The following ZBTB10 variants were observed in gnomAD, a reference collection of about 807,000 sequenced individuals.
ZBTB10 encodes the protein zinc finger and BTB domain containing 10.
Under a neutral mutation model 76.4 loss-of-function variants are expected in ZBTB10, and 32 were observed. That is an observed-to-expected ratio of 0.42 (90% CI 0.32 to 0.56). The LOEUF (loss-of-function observed/expected upper bound fraction) is 0.56, where lower values mean the gene tolerates loss of function less well. ZBTB10 is among the 20% of genes least tolerant of loss of function. The pLI, the probability that ZBTB10 is intolerant of heterozygous loss-of-function variation, is 0.14. For missense variants in ZBTB10, 1,057 were observed against 1,098.5 expected, an observed-to-expected ratio of 0.96 and a Z score of 0.53; for synonymous variants, 523 against 432.9, an observed-to-expected ratio of 1.21 and a Z score of -2.58.
At chr8:80,512,635 C>T (rs1347804619) in intron 2 of ZBTB10, among the ~76,000 whole-genome samples, 1 of 152,092 alleles carries the variant, frequency 6.6e-6, no homozygotes, top group Non-Finnish European at 1.5e-5. Flanking sequence ...TCGGTTGAAC[C>T]TGGGAGGCAG....
rs969262751 is a variant in ZBTB10, at chr8:80,487,443, C to T, written c.633C>T (p.Gly211=). ...GGSCSSSRRS[G]GDGGDEVEGS... ...GCTGCAGCAGCAGCAGGCGGTCGGG[C>T]GGCGATGGCGGGGACGAAGTGGAGG... Residue 211 remains glycine, a synonymous_variant, in exon 1 of 6, where the codon GGC becomes GGT. Coordinates refer to ENST00000455036, the MANE Select transcript of ZBTB10 (RefSeq NM_001105539.3). 3.9e-6 allele frequency: 6 copies of T among 1,545,436 alleles called. No individual in the cohort carries two copies. The Admixed American group carries it at 1.2e-4, about 30-fold the overall frequency.
Position 80,486,542 on chromosome 8 carries a change from G to A in ZBTB10, c.-269G>A, listed in dbSNP as rs942073855. The A allele has an allele frequency of 4.9e-4, 488 of 985,932 alleles. No homozygotes were observed. Among genetic ancestry groups the A allele is most frequent in the Non-Finnish European group, 5.7e-4 (470 of 830,468 alleles). The allele number at this position is 985,932 out of a possible 1,614,324, so 61.1% of individuals were successfully genotyped here. ...GCCCGCCCCCTTCTCCGCGCGGGAC[G>A]CTGCCCGGAGCGCGGCGGGGCGGGG... On this transcript the variant is annotated 5_prime_UTR_variant, in exon 1 of 6. Transcript: ENST00000455036.
chr8:80,524,801 C>G lies in ZBTB10; in HGVS notation c.*5273C>G, dbSNP rs1307855604. On this transcript the variant is annotated 3_prime_UTR_variant, in exon 6 of 6. Transcript: ENST00000455036. ...AGATTGAAAATCGGTTTTTAATTAT[C>G]CAAAGATGAAATGGGGCTGCTTCAG... 1 of 151,954 alleles carries G rather than the reference C, an allele frequency of 6.6e-6. No homozygotes were observed. The highest frequency in any genetic ancestry group is 2.4e-5 in the African/African-American group (1 of 41,390). The allele number at this position is 151,954 out of a possible 1,614,324, so 9.4% of individuals were successfully genotyped here.
At chr8:80,493,389 A>C (rs1242765773) in intron 1 of ZBTB10, among the ~76,000 whole-genome samples, 1 of 152,226 alleles carries the variant, frequency 6.6e-6, no homozygotes, top group Non-Finnish European at 1.5e-5. Context: ...TTGTCTTAAC[A>C]AATGGGCAAC....
intron 2 of ZBTB10, among the ~76,000 whole-genome samples, chr8:80,503,115 A>G (rs2131495782): frequency 6.6e-6 from 1 of 152,318 alleles, no homozygotes; most frequent in East Asian, 1.9e-4. Flanking sequence ...AAAATTTAAA[A>G]ATAAGCTGTG....
intron 1 of ZBTB10, among the ~76,000 whole-genome samples, chr8:80,496,525 T>C (rs1179340059): frequency 2.0e-5 from 3 of 151,892 alleles, no homozygotes; most frequent in East Asian, 1.9e-4. Context: ...GAAAAAAAAA[T>C]AGTGGTTGAA....
chr8:80,486,451 C>G lies in ZBTB10; in HGVS notation c.-360C>G, dbSNP rs985919815. ...TTAAAGAGGGGGCAGCGGAGGGTCT[C>G]CCCGCACTCCGCTGCTCAACTTCGA... On this transcript the variant is annotated 5_prime_UTR_variant, in exon 1 of 6. Coordinates refer to ENST00000455036, the MANE Select transcript of ZBTB10 (RefSeq NM_001105539.3). 2 of 984,854 alleles carry G rather than the reference C, an allele frequency of 2.0e-6. No individual in the cohort carries two copies. Among genetic ancestry groups the G allele is most frequent in the South Asian group, 4.7e-5 (1 of 21,294 alleles). 61.0% of individuals were successfully genotyped at this position (984,854 alleles called of 1,614,324 possible).
chr8:80,510,071 T>C (rs951480623), intron 2 of ZBTB10, among the ~76,000 whole-genome samples: 4 of 152,202 alleles, frequency 2.6e-5, no homozygotes, highest in Non-Finnish European at 4.4e-5. Context: ...AAAGTATTAC[T>C]GTAAAGAGCA....
Position 80,520,871 on chromosome 8 carries a change from G to A in ZBTB10, c.*1343G>A, listed in dbSNP as rs1816434728. The A allele has an allele frequency of 6.6e-6, 1 of 151,844 alleles. No individual in the cohort carries two copies. The highest frequency in any genetic ancestry group is 2.4e-5 in the African/African-American group (1 of 41,384). The allele number at this position is 151,844 out of a possible 1,614,324, so 9.4% of individuals were successfully genotyped here. A position where few individuals can be genotyped will look rare whatever the true frequency, so the allele number is the denominator to read the frequency against. ...TGGTGACATGAATTAGCTGATTGTG[G>A]AACTCTCAGCAGCATTTCACGTATT... is the stretch of plus-strand genomic sequence containing the variant. On this transcript the variant is annotated 3_prime_UTR_variant, in exon 6 of 6. Coordinates refer to ENST00000455036, the MANE Select transcript of ZBTB10 (RefSeq NM_001105539.3).
chr8:80,504,115 G>C (rs1025959527), intron 2 of ZBTB10, among the ~76,000 whole-genome samples: 1 of 152,146 alleles, frequency 6.6e-6, no homozygotes, highest in Non-Finnish European at 1.5e-5. Flanking sequence ...TACTAAAGTA[G>C]TAGATTCCTA....
At position 80,525,330 on chromosome 8, in the gene ZBTB10, C is replaced by T. The variant is rs144322133; in HGVS notation, c.*5802C>T. 1.3e-4 allele frequency: 20 copies of T among 152,216 alleles called. No individual in the cohort carries two copies. The highest frequency in any genetic ancestry group is 4.8e-4 in the African/African-American group (20 of 41,550). The allele number at this position is 152,216 out of a possible 1,614,324, so 9.4% of individuals were successfully genotyped here. A position where few individuals can be genotyped will look rare whatever the true frequency, so the allele number is the denominator to read the frequency against. On this transcript the variant is annotated 3_prime_UTR_variant, in exon 6 of 6. Transcript: ENST00000455036. Reference sequence around the variant, plus strand: ...TAATTAAAGTGAATGAAAAATATTACAGATTCCATAACTGCATGGCGCCTT... The same window carrying T: ...TAATTAAAGTGAATGAAAAATATTATAGATTCCATAACTGCATGGCGCCTT...
At chr8:80,505,337 A>G (rs1434061268) in intron 2 of ZBTB10, among the ~76,000 whole-genome samples, 1 of 152,224 alleles carries the variant, frequency 6.6e-6, no homozygotes, top group Non-Finnish European at 1.5e-5. Flanking sequence ...ACACCAAGTA[A>G]TATAATGGAC....
intron 1 of ZBTB10, among the ~76,000 whole-genome samples, chr8:80,492,615 A>T (rs972726970): frequency 6.6e-6 from 1 of 151,872 alleles, no homozygotes; most frequent in Non-Finnish European, 1.5e-5. Context: ...ATTAGCTGGG[A>T]CTACAGGCAC....
chr8:80,505,730 C>T (rs753941476), intron 2 of ZBTB10, among the ~76,000 whole-genome samples: 21 of 151,788 alleles, frequency 1.4e-4, no homozygotes, highest in African/African-American at 4.8e-4. Flanking sequence ...TATAAGAAAT[C>T]GTAATAAGGC....
intron 3 of ZBTB10, among the ~76,000 whole-genome samples, chr8:80,517,505 G>A (rs1305160140): frequency 6.6e-6 from 1 of 152,080 alleles, no homozygotes; most frequent in Non-Finnish European, 1.5e-5. Flanking sequence ...TTTTATTTAA[G>A]GATGGAGTTA....
intron 2 of ZBTB10, among the ~76,000 whole-genome samples, chr8:80,508,837 A>T (rs1477953821): frequency 6.6e-6 from 1 of 152,132 alleles, no homozygotes; most frequent in East Asian, 1.9e-4. Context: ...ATAAATTCTG[A>T]CTTGTTTTAC....
Position 80,487,328 on chromosome 8 carries a change from T to C in ZBTB10, c.518T>C (p.Leu173Ser). The C allele has an allele frequency of 6.5e-7, 1 of 1,538,594 alleles. No homozygotes were observed. Among genetic ancestry groups the C allele is most frequent in the Non-Finnish European group, 8.8e-7 (1 of 1,140,136 alleles). Residue 173 changes from leucine to serine, a missense_variant, in exon 1 of 6, where the codon TTG becomes TCG. Coordinates refer to ENST00000455036, the MANE Select transcript of ZBTB10 (RefSeq NM_001105539.3). ...CTGGACGCGCTGGAGGGGAAGGAGT[T>C]GATGCAGGACGGCGCGTCCCTGAGC... ...LELDALEGKE[L>S]MQDGASLSDS...
chr8:80,504,948 T>C (rs1816012706), intron 2 of ZBTB10, among the ~76,000 whole-genome samples: 2 of 152,216 alleles, frequency 1.3e-5, no homozygotes, highest in South Asian at 2.1e-4. Context: ...GGTGTTAATC[T>C]GATTTTTTAA....
chr8:80,515,244 T>G (rs1199112213), intron 3 of ZBTB10, among the ~76,000 whole-genome samples: 1 of 152,204 alleles, frequency 6.6e-6, no homozygotes, highest in Non-Finnish European at 1.5e-5. Context: ...ACATAAAAAC[T>G]TGACAAAACT....
Sources: allele counts gnomAD v4.1 joint callset (sites outside exome capture counted in the v4.1 genomes callset), GRCh38; gene constraint gnomAD v4.1.1; transcripts MANE v1.5; gene names NCBI Gene and HGNC (gene_info 2026-07-23, HGNC 2026-07-21).